The following CEP97 variants were observed in gnomAD, a reference collection of about 807,000 sequenced individuals.
CEP97 encodes centrosomal protein 97.
Under a neutral mutation model 73.1 loss-of-function variants are expected in CEP97, and 43 were observed. The observed-to-expected ratio is 0.59, with a 90% CI of 0.46 to 0.76. The LOEUF (loss-of-function observed/expected upper bound fraction) is 0.76, where lower values mean the gene tolerates loss of function less well. Among genes scored for constraint, CEP97 ranks in the 30% least tolerant of loss-of-function variants. The probability of loss-of-function intolerance (pLI) is 0.00; values close to 1 mark genes in which losing one functional copy is unlikely to be tolerated. For missense variants in CEP97, 939 were observed against 1,014.0 expected, an observed-to-expected ratio of 0.93 and a Z score of 1.00; for synonymous variants, 337 against 370.0, an observed-to-expected ratio of 0.91 and a Z score of 1.02.
At chr3:101,730,280 T>C (rs1400390464) in intron 4 of CEP97, among the ~76,000 whole-genome samples, 2 of 147,770 alleles carry the variant, frequency 1.4e-5, no homozygotes, top group Non-Finnish European at 3.0e-5. Context: ...TGTTTTGTTT[T>C]GTTGAGACGG....
chr3:101,726,573 A>G, intron 1 of CEP97, 21 bp from the exon 2 acceptor site: 1 of 1,551,916 alleles, frequency 6.4e-7, no homozygotes. Context: ...GTGTTTTCTA[A>G]CATTTCCGTT....
In CEP97 at chr3:101,726,653, GA is replaced by G; in HGVS notation, c.105del (p.Ala36LeufsTer6). On this transcript the variant is annotated frameshift_variant, in exon 2 of 11. Transcript: ENST00000341893. LOFTEE classifies it high-confidence loss of function. ...LQKLGPNLPC[E>X]ADIHTLILDK... Reference sequence around the variant, plus strand: ...GAAATTAGGTCCAAATTTACCCTGTGAAGCTGATATTCACACTTTGATTCTG... The same window carrying G: ...GAAATTAGGTCCAAATTTACCCTGTGAGCTGATATTCACACTTTGATTCTG... 1.2e-6 allele frequency: 2 copies of G among 1,609,616 alleles called. No individual in the cohort carries two copies. The highest frequency in any genetic ancestry group is 1.7e-6 in the Non-Finnish European group (2 of 1,176,556).
chr3:101,750,355 T>G (rs1231411472), intron 6 of CEP97, among the ~76,000 whole-genome samples: 7 of 151,398 alleles, frequency 4.6e-5, no homozygotes, highest in Non-Finnish European at 1.0e-4. Context: ...TTGATCTATA[T>G]CTCTGTTTTG....
chr3:101,731,456 C>T (rs1560008780), intron 4 of CEP97, among the ~76,000 whole-genome samples: 2 of 152,084 alleles, frequency 1.3e-5, no homozygotes, highest in Non-Finnish European at 2.9e-5. Context: ...CCTCCTTGGC[C>T]TCCCAAAATG....
intron 10 of CEP97, among the ~76,000 whole-genome samples, chr3:101,764,040 T>A (rs967211348): frequency 1.3e-5 from 2 of 152,184 alleles, no homozygotes; most frequent in African/African-American, 2.4e-5. Flanking sequence ...ACCAGGGACA[T>A]GTACCATTTG....
At chr3:101,763,410 A>G (rs1363495351) in intron 10 of CEP97, among the ~76,000 whole-genome samples, 1 of 152,140 alleles carries the variant, frequency 6.6e-6, no homozygotes, top group Non-Finnish European at 1.5e-5. Flanking sequence ...TAAAAAAAAA[A>G]AACAGCACTA....
intron 6 of CEP97, among the ~76,000 whole-genome samples, chr3:101,749,236 C>T (rs1293241154): frequency 6.6e-6 from 1 of 150,436 alleles, no homozygotes; most frequent in Non-Finnish European, 1.5e-5. Context: ...TGAGTGAGAA[C>T]ATGCGGTGTT....
chr3:101,750,682 T>G (rs1938780061), intron 6 of CEP97, among the ~76,000 whole-genome samples: 1 of 152,224 alleles, frequency 6.6e-6, no homozygotes, highest in Non-Finnish European at 1.5e-5. Flanking sequence ...TCTTCTTGAT[T>G]TTCTAGTTTA....
intron 8 of CEP97, 136 bp downstream of exon 8, chr3:101,757,332 A>G: frequency 2.2e-6 from 2 of 903,176 alleles, no homozygotes; most frequent in Non-Finnish European, 1.6e-6. Context: ...GATCTTATAC[A>G]TATCTATGTA....
chr3:101,732,104 C>A, intron 5 of CEP97, 151 bp downstream of exon 5: 1 of 614,720 alleles, frequency 1.6e-6, no homozygotes. Flanking sequence ...TTCCACTTTT[C>A]CTTAGTGTCA....
At chr3:101,736,680 C>T (rs964297345) in intron 6 of CEP97, among the ~76,000 whole-genome samples, 1 of 152,138 alleles carries the variant, frequency 6.6e-6, no homozygotes, top group Non-Finnish European at 1.5e-5. Context: ...CACACAGAAA[C>T]CCCATCTGAA....
chr3:101,751,296 G>A (rs1938811459), intron 6 of CEP97, among the ~76,000 whole-genome samples: 1 of 152,162 alleles, frequency 6.6e-6, no homozygotes, highest in Non-Finnish European at 1.5e-5. Context: ...TATAATTTCT[G>A]TTCTTTTACA....
Position 101,764,876 on chromosome 3 carries a change from AGT to A in CEP97, c.1925_1926del (p.Val642GlyfsTer10), listed in dbSNP as rs1203522667. 6.2e-7 allele frequency: 1 copy of A among 1,612,384 alleles called. No homozygotes were observed. Among genetic ancestry groups the A allele is most frequent in the African/African-American group, 1.3e-5 (1 of 74,872 alleles). Reference sequence around the variant, plus strand: ...GGTCTCTACAGGTTTGGCAACAGACAGTGGACCAGCGTCTAAGTTCCTGGCAT... The same window carrying A: ...GGTCTCTACAGGTTTGGCAACAGACAGGACCAGCGTCTAAGTTCCTGGCAT... ...VRSLQVWQQT[V>X]DQRLSSWHTD... is the part of the protein sequence containing the mutation. On this transcript the variant is annotated frameshift_variant, in exon 11 of 11. Coordinates refer to ENST00000341893, the MANE Select transcript of CEP97 (RefSeq NM_024548.4). LOFTEE classifies it low-confidence loss of function (END_TRUNC).
Position 101,765,642 on chromosome 3 carries a change from C to A in CEP97, c.*91C>A. The A allele has an allele frequency of 2.0e-6, 2 of 994,856 alleles. No homozygotes were observed. Among genetic ancestry groups the A allele is most frequent in the Non-Finnish European group, 1.5e-6 (1 of 672,114 alleles). The allele number at this position is 994,856 out of a possible 1,614,324, so 61.6% of individuals were successfully genotyped here. On this transcript the variant is annotated 3_prime_UTR_variant, in exon 11 of 11. Transcript: ENST00000341893. ...TTTTTTGGAGGGAAATACTCCCTAC[C>A]CCTAATTTTGTTACTACTTATATAG...
At chr3:101,755,213 G>A (rs565083818) in intron 6 of CEP97, among the ~76,000 whole-genome samples, 21 of 152,126 alleles carry the variant, frequency 1.4e-4, no homozygotes, top group Non-Finnish European at 2.6e-4. Context: ...AAGCTCAATG[G>A]AAGTGCCCCT....
chr3:101,724,895 A>G (rs1343596721), intron 1 of CEP97, among the ~76,000 whole-genome samples, 176 bp downstream of exon 1: 2 of 152,232 alleles, frequency 1.3e-5, no homozygotes, highest in Admixed American at 1.3e-4. Flanking sequence ...TGCCGTTCCC[A>G]GCTCTCCGGC....
chr3:101,765,579 T>A lies in CEP97; in HGVS notation c.*28T>A, dbSNP rs1448503808. ...TGTCTTTTGGGAGGCAGATATCCAC[T>A]TAACTTTTCTTAAAAATACTTTCAG... On this transcript the variant is annotated 3_prime_UTR_variant, in exon 11 of 11. Coordinates refer to ENST00000341893, the MANE Select transcript of CEP97 (RefSeq NM_024548.4). 1.6e-5 allele frequency: 25 copies of A among 1,536,076 alleles called. No homozygotes were observed. The highest frequency in any genetic ancestry group is 2.2e-5 in the Non-Finnish European group (25 of 1,138,696).
rs1291062575 is a variant in CEP97, at chr3:101,768,791, G to A, written c.*3240G>A. ...TTTCTAGAGAAATGCTGAGTTTGAT[G>A]ACATTTTATCTTCAGTTTTGTAGAA... is the stretch of plus-strand genomic sequence containing the variant. On this transcript the variant is annotated 3_prime_UTR_variant, in exon 11 of 11. Coordinates refer to ENST00000341893, the MANE Select transcript of CEP97 (RefSeq NM_024548.4). The A allele has an allele frequency of 6.6e-6, 1 of 152,188 alleles. No individual in the cohort carries two copies. The highest frequency in any genetic ancestry group is 1.9e-4 in the East Asian group (1 of 5,200). 9.4% of individuals were successfully genotyped at this position (152,188 alleles called of 1,614,324 possible).
intron 9 of CEP97, chr3:101,758,761 A>G (rs907270216): frequency 3.1e-4 from 71 of 232,022 alleles, no homozygotes; most frequent in Admixed American, 2.3e-3. Context: ...AAGATGATGA[A>G]GTCTACATGG....
Sources: allele counts gnomAD v4.1 joint callset (sites outside exome capture counted in the v4.1 genomes callset), GRCh38; gene constraint gnomAD v4.1.1; transcripts MANE v1.5; gene names NCBI Gene and HGNC (gene_info 2026-07-23, HGNC 2026-07-21).